Variants in CAPRIN1 observed in about 807,000 individuals in gnomAD.
CAPRIN1 encodes caprin-1.
In CAPRIN1, 29 loss-of-function variants were observed where a neutral mutation model predicts 100.9. That is an observed-to-expected ratio of 0.29 (90% CI 0.21 to 0.39). The LOEUF is 0.39. Among genes scored for constraint, CAPRIN1 ranks in the 10% least tolerant of loss-of-function variants. The pLI, the probability that CAPRIN1 is intolerant of heterozygous loss-of-function variation, is 1.00. For synonymous variants in CAPRIN1, 338 were observed against 307.5 expected, an observed-to-expected ratio of 1.10 and a Z score of -1.04; for missense variants, 795 against 876.7, an observed-to-expected ratio of 0.91 and a Z score of 1.18.
intron 18 of CAPRIN1, 58 bp downstream of exon 18, chr11:34,097,819 A>C: frequency 6.2e-7 from 1 of 1,613,406 alleles, no homozygotes; most frequent in Non-Finnish European, 8.5e-7. Flanking sequence ...CTGGCCTTGG[A>C]AGAGCTGTTA....
intron 17 of CAPRIN1, 46 bp downstream of exon 17, chr11:34,097,342 A>G (rs761628300): frequency 6.5e-6 from 9 of 1,394,062 alleles, no homozygotes; most frequent in Admixed American, 1.7e-5. Flanking sequence ...AAATATACCA[A>G]TGAAAGTGAC....
chr11:34,091,679 T>G, intron 14 of CAPRIN1: 1 of 357,760 alleles, frequency 2.8e-6, no homozygotes, highest in Non-Finnish European at 5.0e-6. Context: ...ATTCCCTACT[T>G]CCATTTCACA....
intron 16 of CAPRIN1, among the ~76,000 whole-genome samples, chr11:34,096,920 A>G (rs912382970): frequency 6.6e-6 from 1 of 152,222 alleles, no homozygotes; most frequent in East Asian, 1.9e-4. Flanking sequence ...CCTGGAGGAT[A>G]AGTATTTTCC....
rs1851459996 is a variant in CAPRIN1, at chr11:34,101,876, G to A, written c.*2509G>A. Among the ~76,000 whole-genome samples the A allele has an allele frequency of 6.6e-6, 1 of 152,234 alleles. No individual in the cohort carries two copies. The highest frequency in any genetic ancestry group is 1.9e-4 in the East Asian group (1 of 5,178). ...ACACATGTCACTGTAGCCTCTTGGT[G>A]TAGCAAGCTCACATACAAAATACTT... On this transcript the variant is annotated 3_prime_UTR_variant, in exon 19 of 19. Coordinates refer to ENST00000341394, the MANE Select transcript of CAPRIN1 (RefSeq NM_005898.5).
Position 34,076,072 on chromosome 11 carries a change from G to T in CAPRIN1, c.367-164G>T, listed in dbSNP as rs549435090. Among the ~76,000 whole-genome samples the T allele has an allele frequency of 2.6e-5, 4 of 152,256 alleles. No individual in the cohort carries two copies. In the South Asian group the frequency reaches 8.3e-4, roughly 32 times the overall value. ...GAATTTTTAACAATTGCTTAAAATAGATTATGTTTAAAACTATTTGTAAGT... is the reference window on the plus strand; with the variant it reads ...GAATTTTTAACAATTGCTTAAAATATATTATGTTTAAAACTATTTGTAAGT... On this transcript the variant is annotated intron_variant, in intron 4 of 18. Coordinates refer to ENST00000341394, the MANE Select transcript of CAPRIN1 (RefSeq NM_005898.5).
intron 6 of CAPRIN1, among the ~76,000 whole-genome samples, chr11:34,077,953 A>G (rs926539930): frequency 6.6e-6 from 1 of 152,216 alleles, no homozygotes; most frequent in African/African-American, 2.4e-5. Context: ...TTTTAGGTCA[A>G]GCTTCATCAG....
chr11:34,060,249 G>A (rs1850549306), intron 2 of CAPRIN1, among the ~76,000 whole-genome samples: 1 of 150,270 alleles, frequency 6.7e-6, no homozygotes, highest in Non-Finnish European at 1.5e-5. Flanking sequence ...TATGTGAATG[G>A]TCTTAAGAGA....
At chr11:34,072,543 G>T (rs998254167) in intron 4 of CAPRIN1, among the ~76,000 whole-genome samples, 3 of 152,060 alleles carry the variant, frequency 2.0e-5, no homozygotes, top group Non-Finnish European at 2.9e-5. Context: ...AAAGAGGCTC[G>T]TTTATATAAT....
intron 18 of CAPRIN1, chr11:34,098,092 G>C: frequency 6.8e-6 from 7 of 1,026,052 alleles, no homozygotes; most frequent in Non-Finnish European, 8.2e-6. Context: ...ATTTTTGTAA[G>C]ACATTTTTGG....
intron 1 of CAPRIN1, 137 bp downstream of exon 1, chr11:34,052,008 C>T (rs1156386792): frequency 2.1e-5 from 3 of 146,032 alleles, no homozygotes; most frequent in Non-Finnish European, 4.5e-5. Flanking sequence ...ATTTCCCATG[C>T]CCTTCTCTGC....
rs1482463920 is a variant in CAPRIN1, at chr11:34,087,378, G to A, written c.1231+965G>A. ...AGACGGAGTCTCGCTCTGTCGCCCA[G>A]GCTGGAGTGCAGTGGCGCAATCTCG... On this transcript the variant is annotated intron_variant, in intron 11 of 18. Transcript: ENST00000341394. Among the ~76,000 whole-genome samples, 3 of 116,438 alleles carry A rather than the reference G, an allele frequency of 2.6e-5. 1 individual carries two copies. Among genetic ancestry groups the A allele is most frequent in the Non-Finnish European group, 4.9e-5 (3 of 61,156 alleles). 76.4% of individuals were successfully genotyped at this position (116,438 alleles called of 152,430 possible). A position where few individuals can be genotyped will look rare whatever the true frequency, so the allele number is the denominator to read the frequency against.
intron 2 of CAPRIN1, among the ~76,000 whole-genome samples, chr11:34,059,470 A>C (rs192506688): frequency 1.3e-5 from 2 of 152,098 alleles, no homozygotes; most frequent in South Asian, 4.2e-4. Flanking sequence ...GGGTTTCGCC[A>C]TGTTGGCCAT....
intron 9 of CAPRIN1, among the ~76,000 whole-genome samples, chr11:34,084,109 T>G (rs779861855): frequency 5.9e-5 from 9 of 152,128 alleles, no homozygotes; most frequent in Non-Finnish European, 1.0e-4. Flanking sequence ...AAAGTTTTTT[T>G]TTTTTGAGAG....
At chr11:34,091,204 G>A (rs1418156921) in intron 14 of CAPRIN1, among the ~76,000 whole-genome samples, 2 of 152,172 alleles carry the variant, frequency 1.3e-5, no homozygotes. Flanking sequence ...TGATTAATAT[G>A]TTAATAAAAA....
intron 2 of CAPRIN1, among the ~76,000 whole-genome samples, chr11:34,056,769 A>G (rs1182010327): frequency 6.6e-6 from 1 of 152,212 alleles, no homozygotes; most frequent in Non-Finnish European, 1.5e-5. Context: ...TAAAATTGTT[A>G]TATTCTTTGT....
chr11:34,052,438 C>T lies in CAPRIN1; in HGVS notation c.18C>T (p.Ser6=). 2 of 1,607,850 alleles carry T rather than the reference C, an allele frequency of 1.2e-6. No homozygotes were observed. The highest frequency in any genetic ancestry group is 1.7e-6 in the Non-Finnish European group (2 of 1,178,906). Residue 6 remains serine, a synonymous_variant, in exon 2 of 19, where the codon AGC becomes AGT. Coordinates refer to ENST00000341394, the MANE Select transcript of CAPRIN1 (RefSeq NM_005898.5). MPSAT[S]HSGSGSKSSG... ...GTCTGAAGATGCCCTCGGCCACCAG[C>T]CACAGCGGGAGCGGCAGCAAGTCGT...
At position 34,076,224 on chromosome 11, in the gene CAPRIN1, A is replaced by C. The variant is rs768827790; in HGVS notation, c.367-12A>C. 2.5e-6 allele frequency: 4 copies of C among 1,595,678 alleles called. No individual in the cohort carries two copies. In the East Asian group the frequency reaches 8.9e-5, roughly 36 times the overall value. ...ACTAATTTTGGTGTTTTACTTTTAT[A>C]TTGTTTTGCAGATTCAGAAAACAAT... is the stretch of plus-strand genomic sequence containing the variant. On this transcript the variant is annotated splice_polypyrimidine_tract_variant and intron_variant, in intron 4 of 18. Coordinates refer to ENST00000341394, the MANE Select transcript of CAPRIN1 (RefSeq NM_005898.5).
rs756207402 is a variant in CAPRIN1 at position 34,099,392 on chromosome 11, TC to T, written c.*26del. Reference sequence around the variant, plus strand: ...ATCTGATTCACAGGATTATGTTTAATCGCCAAAAACACACTGGCCAGTGTAC... The same window carrying T: ...ATCTGATTCACAGGATTATGTTTAATGCCAAAAACACACTGGCCAGTGTAC... On this transcript the variant is annotated 3_prime_UTR_variant, in exon 19 of 19. Transcript: ENST00000341394. 6.3e-7 allele frequency: 1 copy of T among 1,588,996 alleles called. No individual in the cohort carries two copies. Among genetic ancestry groups the T allele is most frequent in the Admixed American group, 1.7e-5 (1 of 59,964 alleles).
At chr11:34,068,963 A>G (rs1409348952) in intron 2 of CAPRIN1, among the ~76,000 whole-genome samples, 1 of 152,180 alleles carries the variant, frequency 6.6e-6, no homozygotes, top group African/African-American at 2.4e-5. Context: ...AAAAATGAAG[A>G]TAGTAAATAC....
Sources: allele counts gnomAD v4.1 joint callset (sites outside exome capture counted in the v4.1 genomes callset), GRCh38; gene constraint gnomAD v4.1.1; transcripts MANE v1.5; gene names NCBI Gene and HGNC (gene_info 2026-07-23, HGNC 2026-07-21).